Variants in KDM6A observed in about 807,000 individuals in gnomAD.
KDM6A encodes the protein lysine-specific demethylase 6A.
KDM6A carries 11 observed loss-of-function variants against 117.6 expected under a neutral mutation model. The observed-to-expected ratio is 0.09, with a 90% CI of 0.06 to 0.15. The LOEUF (loss-of-function observed/expected upper bound fraction) is 0.15, where lower values mean the gene tolerates loss of function less well. Among genes scored for constraint, KDM6A ranks in the 10% least tolerant of loss-of-function variants. The pLI is 1.00. For missense variants in KDM6A, 799 were observed against 1,077.3 expected, an observed-to-expected ratio of 0.74 and a Z score of 3.62; for synonymous variants, 384 against 396.1, an observed-to-expected ratio of 0.97 and a Z score of 0.36.
At chrX:44,995,809 A>G (rs926604580) in intron 4 of KDM6A, among the ~76,000 whole-genome samples, 3 of 111,351 alleles carry the variant, frequency 2.7e-5, no homozygotes, top group South Asian at 3.7e-4. Context: ...TTTAATTATA[A>G]TCATTTCTGT....
At chrX:44,929,475 G>A (rs758888179) in intron 2 of KDM6A, among the ~76,000 whole-genome samples, 2 of 111,486 alleles carry the variant, frequency 1.8e-5, no homozygotes, top group Non-Finnish European at 3.8e-5. Context: ...GGCATGTTGT[G>A]TGCATCAATA....
At chrX:44,982,032 G>A (rs1031292426) in intron 4 of KDM6A, among the ~76,000 whole-genome samples, 2 of 111,880 alleles carry the variant, frequency 1.8e-5, no homozygotes, top group African/African-American at 6.5e-5. Context: ...GCAGTGAGCC[G>A]AGATCATGCC....
At chrX:45,094,027 C>T (rs1365884172) in intron 27 of KDM6A, among the ~76,000 whole-genome samples, 1 of 111,549 alleles carries the variant, frequency 9.0e-6, no homozygotes, top group Non-Finnish European at 1.9e-5. Flanking sequence ...TATTGACACA[C>T]CAATTGAAAA....
chrX:44,984,415 A>T (rs757767035), intron 4 of KDM6A, among the ~76,000 whole-genome samples: 4,239 of 110,929 alleles, frequency 0.038, 220 homozygotes, highest in African/African-American at 0.13. Context: ...CTTTAGTTTA[A>T]TTAGATCCCA....
At chrX:44,881,002 A>C (rs1459949639) in intron 2 of KDM6A, among the ~76,000 whole-genome samples, 1 of 111,846 alleles carries the variant, frequency 8.9e-6, no homozygotes, top group Non-Finnish European at 1.9e-5. Flanking sequence ...GATGTACCCA[A>C]TTAGGTCCTA....
At chrX:44,925,089 C>T (rs1044098262) in intron 2 of KDM6A, among the ~76,000 whole-genome samples, 2 of 111,793 alleles carry the variant, frequency 1.8e-5, no homozygotes, top group Non-Finnish European at 3.8e-5. Flanking sequence ...AATGTGTAAT[C>T]GTATCCGGGT....
At chrX:44,973,181 GT>G (rs928036471) in intron 3 of KDM6A, among the ~76,000 whole-genome samples, 16 of 111,699 alleles carry the variant, frequency 1.4e-4, no homozygotes, top group South Asian at 3.8e-4. Flanking sequence ...TCTGGGCCAG[GT>G]TTATCTGGGT....
intron 25 of KDM6A, 52 bp from the exon 26 acceptor site, chrX:45,089,691 A>C: frequency 1.8e-5 from 16 of 889,007 alleles, no homozygotes; most frequent in Non-Finnish European, 2.3e-5. Flanking sequence ...CAGTCTTACT[A>C]GGAGCTTCTT....
At chrX:44,910,751 AC>A (rs2035051442) in intron 2 of KDM6A, among the ~76,000 whole-genome samples, 1 of 110,486 alleles carries the variant, frequency 9.1e-6, no homozygotes, top group African/African-American at 3.3e-5. Flanking sequence ...CACATCTTGC[AC>A]CGACCTTAAT....
chrX:45,073,352 T>C (rs2044955108), intron 18 of KDM6A, among the ~76,000 whole-genome samples: 1 of 111,737 alleles, frequency 8.9e-6, no homozygotes, highest in African/African-American at 3.3e-5. Flanking sequence ...TGTGTCTTTA[T>C]AGTAGCATGA....
intron 18 of KDM6A, among the ~76,000 whole-genome samples, chrX:45,071,759 G>GTCTTTTCTTT (rs1375140619): frequency 9.2e-6 from 1 of 108,595 alleles, no homozygotes; most frequent in Admixed American, 9.9e-5. Flanking sequence ...GTCTTTTCTT[G>GTCTTTTCTTT]TCTTTTCTTG....
At position 45,027,580 on chromosome X, in the gene KDM6A, C is replaced by A. The variant is rs184890369; in HGVS notation, c.564+6850C>A. The stretch of plus-strand genomic sequence containing the variant: ...TAGAAAAGTCCTATCCCCTTGCCAC[C>A]CCCAACAGCTTGGAATAATTGGTGG... On this transcript the variant is annotated intron_variant, in intron 6 of 29. Transcript: ENST00000611820. Among the ~76,000 whole-genome samples the A allele has an allele frequency of 3.9e-3, 426 of 110,473 alleles. 7 individuals carry two copies. Among genetic ancestry groups the A allele is most frequent in the African/African-American group, 0.013 (407 of 30,347 alleles).
chrX:44,920,696 A>G lies in KDM6A; in HGVS notation c.226-40588A>G, dbSNP rs1266906700. On this transcript the variant is annotated intron_variant, in intron 2 of 29. Transcript: ENST00000611820. The stretch of plus-strand genomic sequence containing the variant: ...TGTGATCCGCCCACCTCGGCCTCCT[A>G]AAGTGCTGGGATTAGAGGCATGAGC... Among the ~76,000 whole-genome samples the G allele has an allele frequency of 5.5e-5, 6 of 109,681 alleles. No homozygotes were observed. The Admixed American group carries it at 5.9e-4, about 11-fold the overall frequency.
At chrX:44,992,880 CTAA>C (rs2040689525) in intron 4 of KDM6A, among the ~76,000 whole-genome samples, 1 of 111,561 alleles carries the variant, frequency 9.0e-6, no homozygotes, top group South Asian at 3.7e-4. Flanking sequence ...AGCAAGGTAT[CTAA>C]TAATATTTTA....
chrX:44,909,968 C>A (rs1243056906), intron 2 of KDM6A, among the ~76,000 whole-genome samples: 2 of 111,814 alleles, frequency 1.8e-5, no homozygotes, highest in Admixed American at 1.9e-4. Context: ...GTATAATAAC[C>A]TTTTTTTCTT....
Position 45,044,876 on chromosome X carries a change from A to G in KDM6A, c.655-6833A>G, listed in dbSNP as rs1348796467. Among the ~76,000 whole-genome samples the G allele has an allele frequency of 2.7e-5, 3 of 111,702 alleles. No individual in the cohort carries two copies. In the East Asian group the frequency reaches 8.4e-4, roughly 31 times the overall value. On this transcript the variant is annotated intron_variant, in intron 8 of 29. Coordinates refer to ENST00000611820, the MANE Select transcript of KDM6A (RefSeq NM_001291415.2). ...TTTAACACTTTTCTGTCAAGCATTA[A>G]TATATTACCAAAACACTATAGACTT...
intron 17 of KDM6A, among the ~76,000 whole-genome samples, chrX:45,067,739 G>A (rs756260585): frequency 1.1e-4 from 11 of 99,786 alleles, no homozygotes; most frequent in Non-Finnish European, 1.8e-4. Flanking sequence ...TGCAACCTCC[G>A]CCTCCTAGGT....
chrX:45,069,264 T>A (rs2044707402), intron 17 of KDM6A, among the ~76,000 whole-genome samples: 1 of 112,007 alleles, frequency 8.9e-6, no homozygotes, highest in South Asian at 3.7e-4. Context: ...AATGATGATA[T>A]ATGTCTATCC....
chrX:44,913,693 A>G (rs2035363616), intron 2 of KDM6A, among the ~76,000 whole-genome samples: 1 of 110,439 alleles, frequency 9.1e-6, no homozygotes, highest in Non-Finnish European at 1.9e-5. Context: ...AAGACTATAA[A>G]AAGTCACAAT....
Sources: gnomAD v4.1 joint callset for allele counts (sites outside exome capture counted in the v4.1 genomes callset) on GRCh38, gnomAD v4.1.1 for gene constraint, MANE v1.5 for transcripts, NCBI Gene and HGNC (gene_info 2026-07-23, HGNC 2026-07-21) for gene names.